Variants in SEL1L observed in about 807,000 individuals in gnomAD.
SEL1L encodes protein sel-1 homolog 1.
In SEL1L, 52 loss-of-function variants were observed where a neutral mutation model predicts 109.8. The ratio of observed to expected loss-of-function variants is 0.47; its 90% CI spans 0.38 to 0.60. The LOEUF is 0.60. SEL1L is among the 20% of genes least tolerant of loss of function. The pLI is 0.00. For synonymous variants in SEL1L, 373 were observed against 339.6 expected, an observed-to-expected ratio of 1.10 and a Z score of -1.08; for missense variants, 749 against 962.2, an observed-to-expected ratio of 0.78 and a Z score of 2.93.
At chr14:81,492,028 AT>A (rs201879142) in intron 12 of SEL1L, among the ~76,000 whole-genome samples, 366 of 145,638 alleles carry the variant, frequency 2.5e-3, no homozygotes, top group Non-Finnish European at 2.3e-3. Context: ...AGCAAACACT[AT>A]TTTTTTTTTT....
chr14:81,494,738 A>T (rs1231886476), intron 11 of SEL1L, among the ~76,000 whole-genome samples: 2 of 152,226 alleles, frequency 1.3e-5, no homozygotes, highest in East Asian at 3.8e-4. Flanking sequence ...CAATTATTGT[A>T]TCTTTTAAAT....
intron 3 of SEL1L, among the ~76,000 whole-genome samples, chr14:81,519,465 T>C (rs896891283): frequency 6.6e-6 from 1 of 152,100 alleles, no homozygotes; most frequent in South Asian, 2.1e-4. Context: ...ATTCAAGAAA[T>C]AGCAAGAGGG....
intron 2 of SEL1L, 134 bp downstream of exon 2, chr14:81,527,567 C>G (rs1360505452): frequency 1.4e-5 from 8 of 565,538 alleles, no homozygotes; most frequent in Non-Finnish European, 2.1e-5. Flanking sequence ...AATACTAATA[C>G]CATCTGTCTT....
rs533684385 is a variant in SEL1L at position 81,475,514 on chromosome 14, G to A, written c.*1458C>T. 2 of 152,300 alleles carry A rather than the reference G, an allele frequency of 1.3e-5. No homozygotes were observed. The highest frequency in any genetic ancestry group is 4.8e-5 in the African/African-American group (2 of 41,528). 9.4% of individuals were successfully genotyped at this position (152,300 alleles called of 1,614,324 possible). On this transcript the variant is annotated 3_prime_UTR_variant, in exon 21 of 21. Coordinates refer to ENST00000336735, the MANE Select transcript of SEL1L (RefSeq NM_005065.6). The stretch of plus-strand genomic sequence containing the variant: ...ACTTTTCAAGTTTTCTGGCAGATGA[G>A]GGATTCTGGGAAAAAAGCATGAAGG...
chr14:81,488,747 A>T (rs551128444), intron 14 of SEL1L: 21 of 184,894 alleles, frequency 1.1e-4, no homozygotes, highest in Non-Finnish European at 1.6e-4. Flanking sequence ...GGTGATCTGT[A>T]CAGAGAGTAT....
chr14:81,522,098 ATG>A (rs942808580), intron 3 of SEL1L, among the ~76,000 whole-genome samples: 138 of 152,360 alleles, frequency 9.1e-4, no homozygotes, highest in African/African-American at 3.2e-3. Context: ...TAGCTCTACA[ATG>A]TGTTTGTATT....
chr14:81,487,049 C>T (rs980153027), intron 16 of SEL1L, among the ~76,000 whole-genome samples: 1 of 151,456 alleles, frequency 6.6e-6, no homozygotes, highest in Admixed American at 6.6e-5. Context: ...AAGCCTTCAT[C>T]CACCTCAACC....
chr14:81,496,217 G>A (rs1003719259), intron 10 of SEL1L, among the ~76,000 whole-genome samples: 11 of 151,698 alleles, frequency 7.3e-5, no homozygotes, highest in Admixed American at 5.2e-4. Context: ...CCAGCTACTC[G>A]GGAGGCTGAG....
chr14:81,494,967 A>G (rs1883684624), intron 11 of SEL1L, 114 bp downstream of exon 11: 2 of 966,062 alleles, frequency 2.1e-6, no homozygotes, highest in Non-Finnish European at 3.1e-6. Flanking sequence ...CTCATTTGTG[A>G]TGGGTGTTTA....
chr14:81,472,378 TG>T lies in SEL1L; in HGVS notation c.*4593del, dbSNP rs1160837555. 3 of 234,852 alleles carry T rather than the reference TG, an allele frequency of 1.3e-5. No homozygotes were observed. The highest frequency in any genetic ancestry group is 7.1e-5 in the African/African-American group (3 of 42,492). 14.5% of individuals were successfully genotyped at this position (234,852 alleles called of 1,614,324 possible). ...CTTTTTATCCAAGATCCAATGCTTCTGAGCTGGAACATTTTACCTCAGTTAC... is the reference window on the plus strand; with the variant it reads ...CTTTTTATCCAAGATCCAATGCTTCTAGCTGGAACATTTTACCTCAGTTAC... On this transcript the variant is annotated 3_prime_UTR_variant, in exon 21 of 21. Coordinates refer to ENST00000336735, the MANE Select transcript of SEL1L (RefSeq NM_005065.6).
chr14:81,498,581 G>C, intron 8 of SEL1L, 87 bp from the exon 9 acceptor site: 1 of 963,914 alleles, frequency 1.0e-6, no homozygotes, highest in Non-Finnish European at 1.6e-6. Context: ...AGCATACCCA[G>C]AATTTTGCTG....
chr14:81,475,167 T>C lies in SEL1L; in HGVS notation c.*1805A>G, dbSNP rs1903120574. On this transcript the variant is annotated 3_prime_UTR_variant, in exon 21 of 21. Coordinates refer to ENST00000336735, the MANE Select transcript of SEL1L (RefSeq NM_005065.6). ...AAGTACTGTACCAACTGCACTCAAA[T>C]CTCTACATGTAAGAGACCAAACAAG... 1 of 152,162 alleles carries C rather than the reference T, an allele frequency of 6.6e-6. No homozygotes were observed. Among genetic ancestry groups the C allele is most frequent in the African/African-American group, 2.4e-5 (1 of 41,434 alleles). 9.4% of individuals were successfully genotyped at this position (152,162 alleles called of 1,614,324 possible).
At chr14:81,521,733 G>A (rs1884913815) in intron 3 of SEL1L, among the ~76,000 whole-genome samples, 1 of 152,010 alleles carries the variant, frequency 6.6e-6, no homozygotes, top group Non-Finnish European at 1.5e-5. Flanking sequence ...AAACAACTAT[G>A]TTACTGGTCT....
intron 18 of SEL1L, chr14:81,484,606 A>G: frequency 2.2e-6 from 1 of 456,562 alleles, no homozygotes; most frequent in African/African-American, 1.9e-5. Context: ...AGGCTTTGGA[A>G]TACAGAGAGG....
At chr14:81,501,757 AAAC>A (rs1231511398) in intron 6 of SEL1L, among the ~76,000 whole-genome samples, 1 of 152,164 alleles carries the variant, frequency 6.6e-6, no homozygotes, top group Non-Finnish European at 1.5e-5. Flanking sequence ...ATTAATGGGG[AAAC>A]AACCAGATAT....
At chr14:81,517,248 C>T (rs1884736999) in intron 3 of SEL1L, among the ~76,000 whole-genome samples, 1 of 152,180 alleles carries the variant, frequency 6.6e-6, no homozygotes, top group African/African-American at 2.4e-5. Context: ...ATGCCCCTGA[C>T]TGCTTTTAGT....
At chr14:81,498,069 T>C (rs1173702185) in intron 9 of SEL1L, 23 bp from the exon 10 acceptor site, 12 of 1,598,310 alleles carry the variant, frequency 7.5e-6, no homozygotes, top group Non-Finnish European at 1.0e-5. Flanking sequence ...GATAAAACAA[T>C]AAGGTGGAGG....
chr14:81,481,076 A>G (rs755031306), intron 19 of SEL1L, among the ~76,000 whole-genome samples: 5 of 152,118 alleles, frequency 3.3e-5, no homozygotes, highest in Admixed American at 6.5e-5. Flanking sequence ...TTATTGACTA[A>G]TTATAAACCC....
rs35474067 is a variant in SEL1L at position 81,510,514 on chromosome 14, C to CTCTCTCTCTCTCTA, written c.341-4274_341-4273insTAGAGAGAGAGAGA. On this transcript the variant is annotated intron_variant, in intron 3 of 20. Coordinates refer to ENST00000336735, the MANE Select transcript of SEL1L (RefSeq NM_005065.6). ...TCTCTCTCTCTCTCTCTCTCTCTCT[C>CTCTCTCTCTCTCTA]TATATATATATATATAGACAATTAA... Among the ~76,000 whole-genome samples the CTCTCTCTCTCTCTA allele has an allele frequency of 2.2e-3, 232 of 104,060 alleles. 2 individuals carry two copies. Among genetic ancestry groups the CTCTCTCTCTCTCTA allele is most frequent in the Non-Finnish European group, 2.9e-3 (145 of 50,232 alleles). 68.3% of individuals were successfully genotyped at this position (104,060 alleles called of 152,430 possible). A position where few individuals can be genotyped will look rare whatever the true frequency, so the allele number is the denominator to read the frequency against.
Sources: allele counts gnomAD v4.1 joint callset (sites outside exome capture counted in the v4.1 genomes callset), GRCh38; gene constraint gnomAD v4.1.1; transcripts MANE v1.5; gene names NCBI Gene and HGNC (gene_info 2026-07-23, HGNC 2026-07-21).